Variants in PACSIN1 observed in about 807,000 individuals in gnomAD.
PACSIN1 encodes the protein protein kinase C and casein kinase substrate in neurons protein 1.
In PACSIN1, 15 loss-of-function variants were observed where a neutral mutation model predicts 59.5. The ratio of observed to expected loss-of-function variants is 0.25; its 90% CI spans 0.17 to 0.39. The LOEUF is 0.39. Ranked by LOEUF, PACSIN1 falls within the 10% of genes least tolerant of loss-of-function variation. The pLI, the probability that PACSIN1 is intolerant of heterozygous loss-of-function variation, is 1.00. For synonymous variants in PACSIN1, 210 were observed against 220.6 expected, an observed-to-expected ratio of 0.95 and a Z score of 0.42; for missense variants, 420 against 580.2, an observed-to-expected ratio of 0.72 and a Z score of 2.84.
rs1048700857 is a variant in PACSIN1 at position 34,525,585 on chromosome 6, C to G, written c.-63-658C>G. The stretch of plus-strand genomic sequence containing the variant: ...CTGCTGCCTCTTTGAAAACCAGGCC[C>G]TTGGCCCTCTGAGTCCTGGCTCCTG... On this transcript the variant is annotated intron_variant, in intron 1 of 9. Transcript: ENST00000244458. This position sits in a 1 kb window ranked among gnomAD's most constrained non-coding sequence, Gnocchi z 4.9. Among the ~76,000 whole-genome samples the G allele has an allele frequency of 6.6e-6, 1 of 152,238 alleles. No homozygotes were observed. The highest frequency in any genetic ancestry group is 1.5e-5 in the Non-Finnish European group (1 of 68,034).
At chr6:34,517,612 C>T (rs2127267707) in intron 1 of PACSIN1, among the ~76,000 whole-genome samples, 1 of 152,208 alleles carries the variant, frequency 6.6e-6, no homozygotes, top group South Asian at 2.1e-4. Context: ...GCTGTTCAGG[C>T]TGCCTGAGTG....
intron 3 of PACSIN1, 135 bp downstream of exon 3, chr6:34,527,623 C>A: frequency 1.4e-6 from 1 of 717,772 alleles, no homozygotes; most frequent in Non-Finnish European, 2.1e-6. Flanking sequence ...AGGCGCTGTT[C>A]CCTCCTAGAT....
Position 34,534,354 on chromosome 6 carries a change from CT to C in PACSIN1, c.*1826del. The stretch of plus-strand genomic sequence containing the variant: ...ACCTCCTTCCTGCCGTCAGCACCCC[CT>C]TCCTTATCACTGTCTGGTCTCCGAG... On this transcript the variant is annotated 3_prime_UTR_variant, in exon 10 of 10. Coordinates refer to ENST00000244458, the MANE Select transcript of PACSIN1 (RefSeq NM_020804.5). 1 of 153,032 alleles carries C rather than the reference CT, an allele frequency of 6.5e-6. No individual in the cohort carries two copies. The highest frequency in any genetic ancestry group is 1.5e-5 in the Non-Finnish European group (1 of 68,296). 9.5% of individuals were successfully genotyped at this position (153,032 alleles called of 1,614,324 possible).
chr6:34,517,818 C>T (rs565961975), intron 1 of PACSIN1, among the ~76,000 whole-genome samples: 4 of 152,208 alleles, frequency 2.6e-5, no homozygotes, highest in African/African-American at 9.7e-5. Context: ...TTATTTATCT[C>T]GTTTCTTGCC....
rs1766824503 is a variant in PACSIN1 at position 34,488,313 on chromosome 6, A to G, written c.-64+22043A>G. ...ATTATTCTTCCCTGCCCCTTGCCAT[A>G]CAAACAGTGTGAGGCTTGTACAGAA... On this transcript the variant is annotated intron_variant, in intron 1 of 9. Coordinates refer to ENST00000244458, the MANE Select transcript of PACSIN1 (RefSeq NM_020804.5). This position sits in a 1 kb window ranked among gnomAD's most constrained non-coding sequence, Gnocchi z 4.7. Among the ~76,000 whole-genome samples the G allele has an allele frequency of 6.6e-6, 1 of 152,150 alleles. No individual in the cohort carries two copies. The highest frequency in any genetic ancestry group is 6.5e-5 in the Admixed American group (1 of 15,280).
chr6:34,520,084 T>G, intron 1 of PACSIN1, among the ~76,000 whole-genome samples: 1 of 149,878 alleles, frequency 6.7e-6, no homozygotes. Context: ...TGGGGAGGGG[T>G]GAGTGATGGG....
intron 1 of PACSIN1, 136 bp from the exon 2 acceptor site, chr6:34,526,103 GAGTT>G (rs1266043710): frequency 1.7e-6 from 1 of 572,050 alleles, no homozygotes; most frequent in Non-Finnish European, 3.1e-6. Flanking sequence ...TAAGTCTGGT[GAGTT>G]AGTCTCTGGA....
At chr6:34,481,369 G>A (rs1174783301) in intron 1 of PACSIN1, among the ~76,000 whole-genome samples, 3 of 152,198 alleles carry the variant, frequency 2.0e-5, no homozygotes, top group South Asian at 2.1e-4. Flanking sequence ...TTTTTCATAC[G>A]TTCACACGGG....
At chr6:34,513,323 C>T (rs1412487559) in intron 1 of PACSIN1, among the ~76,000 whole-genome samples, 1 of 152,150 alleles carries the variant, frequency 6.6e-6, no homozygotes, top group African/African-American at 2.4e-5. Context: ...GGGCCTTTTG[C>T]TTAATTTGTG....
chr6:34,498,827 G>A (rs1056785691), intron 1 of PACSIN1, among the ~76,000 whole-genome samples: 3 of 149,400 alleles, frequency 2.0e-5, no homozygotes, highest in Admixed American at 6.7e-5. Context: ...AGTGTCCCAG[G>A]TAAGAAAACT....
chr6:34,497,201 C>T (rs1290803798), intron 1 of PACSIN1, among the ~76,000 whole-genome samples: 2 of 152,098 alleles, frequency 1.3e-5, no homozygotes, highest in African/African-American at 4.8e-5. Flanking sequence ...CCTCCTGCTT[C>T]AGCCTCCCAA....
intron 1 of PACSIN1, among the ~76,000 whole-genome samples, chr6:34,473,724 T>A (rs543351450): frequency 2.2e-4 from 34 of 152,302 alleles, no homozygotes; most frequent in African/African-American, 6.7e-4. Flanking sequence ...ATTTGCAAAC[T>A]TTTTATTGTG....
At chr6:34,504,590 G>A (rs1417736497) in intron 1 of PACSIN1, among the ~76,000 whole-genome samples, 3 of 152,158 alleles carry the variant, frequency 2.0e-5, no homozygotes, top group South Asian at 4.1e-4. Context: ...ACAACAGGCC[G>A]TAATGTTATA....
In PACSIN1 at chr6:34,518,210, T is replaced by C. The variant is rs1027570571; in HGVS notation, c.-63-8033T>C. Among the ~76,000 whole-genome samples, 14 of 152,378 alleles carry C rather than the reference T, an allele frequency of 9.2e-5. No individual in the cohort carries two copies. Among genetic ancestry groups the C allele is most frequent in the Admixed American group, 5.2e-4 (8 of 15,310 alleles). On this transcript the variant is annotated intron_variant, in intron 1 of 9. Coordinates refer to ENST00000244458, the MANE Select transcript of PACSIN1 (RefSeq NM_020804.5). This position sits in a 1 kb window ranked among gnomAD's most constrained non-coding sequence, Gnocchi z 4.4. Reference sequence around the variant, plus strand: ...GAAGCGGGAGGGCCACGGCCCCTTCTTCCTGGTCAGAACTCATCCTTGAGT... The same window carrying C: ...GAAGCGGGAGGGCCACGGCCCCTTCCTCCTGGTCAGAACTCATCCTTGAGT...
chr6:34,498,091 C>T lies in PACSIN1; in HGVS notation c.-63-28152C>T, dbSNP rs1434255859. Among the ~76,000 whole-genome samples, 5 of 152,172 alleles carry T rather than the reference C, an allele frequency of 3.3e-5. No homozygotes were observed. In the East Asian group the frequency reaches 5.8e-4, roughly 18 times the overall value. ...TTGTTTGTTTGTTTTGAGACGTGGTCTCCCTCTGTCACCAGGCTGGAGTGC... is the reference window on the plus strand; with the variant it reads ...TTGTTTGTTTGTTTTGAGACGTGGTTTCCCTCTGTCACCAGGCTGGAGTGC... On this transcript the variant is annotated intron_variant, in intron 1 of 9. Transcript: ENST00000244458.
At chr6:34,481,026 G>A (rs919825409) in intron 1 of PACSIN1, among the ~76,000 whole-genome samples, 1 of 150,542 alleles carries the variant, frequency 6.6e-6, no homozygotes, top group Non-Finnish European at 1.5e-5. Context: ...TCTCATCTTT[G>A]GCCAGTGGGA....
In PACSIN1 at chr6:34,534,841, G is replaced by A. The variant is rs755577215; in HGVS notation, c.*2311G>A. The A allele has an allele frequency of 3.3e-5, 5 of 152,826 alleles. No homozygotes were observed. The highest frequency in any genetic ancestry group is 7.3e-5 in the Non-Finnish European group (5 of 68,140). The allele number at this position is 152,826 out of a possible 1,614,324, so 9.5% of individuals were successfully genotyped here. A position where few individuals can be genotyped will look rare whatever the true frequency, so the allele number is the denominator to read the frequency against. On this transcript the variant is annotated 3_prime_UTR_variant, in exon 10 of 10. Transcript: ENST00000244458. ...GGCCCAGCCCTACCTGCCAGTGCTGGTGTCAGGGCACTCAACACCGAGTGT... is the reference window on the plus strand; with the variant it reads ...GGCCCAGCCCTACCTGCCAGTGCTGATGTCAGGGCACTCAACACCGAGTGT...
chr6:34,507,541 A>C (rs1742392336), intron 1 of PACSIN1, among the ~76,000 whole-genome samples: 1 of 151,616 alleles, frequency 6.6e-6, no homozygotes, highest in Non-Finnish European at 1.5e-5. Context: ...TTTCAAAAAA[A>C]CTTTTATTGT....
At chr6:34,496,247 T>G (rs573443947) in intron 1 of PACSIN1, among the ~76,000 whole-genome samples, 13 of 152,308 alleles carry the variant, frequency 8.5e-5, no homozygotes, top group South Asian at 6.2e-4. Flanking sequence ...ATTATGAAGA[T>G]TGCACAGGCA....
Sources: allele counts gnomAD v4.1 joint callset (sites outside exome capture counted in the v4.1 genomes callset), GRCh38; gene constraint gnomAD v4.1.1; non-coding constraint Gnocchi (gnomAD v3.1); transcripts MANE v1.5; gene names NCBI Gene and HGNC (gene_info 2026-07-23, HGNC 2026-07-21).